The following GALNTL6 variants were observed in gnomAD, a reference collection of about 807,000 sequenced individuals.
The protein encoded by GALNTL6 is polypeptide N-acetylgalactosaminyltransferase-like 6.
Under a neutral mutation model 73.7 loss-of-function variants are expected in GALNTL6, and 46 were observed. The observed-to-expected ratio is 0.62, with a 90% CI of 0.49 to 0.80. The LOEUF is 0.80. Among genes scored for constraint, GALNTL6 ranks in the 30% least tolerant of loss-of-function variants. The probability of loss-of-function intolerance (pLI) is 0.00; values close to 1 mark genes in which losing one functional copy is unlikely to be tolerated. For synonymous variants in GALNTL6, 259 were observed against 263.7 expected, an observed-to-expected ratio of 0.98 and a Z score of 0.17; for missense variants, 604 against 755.0, an observed-to-expected ratio of 0.80 and a Z score of 2.34.
chr4:171,999,809 G>A (rs192161495), intron 2 of GALNTL6, among the ~76,000 whole-genome samples: 1 of 151,822 alleles, frequency 6.6e-6, no homozygotes, highest in Admixed American at 6.6e-5. Flanking sequence ...TTATTATTTT[G>A]CAAATATTTT....
At chr4:172,104,536 G>A (rs1303344366) in intron 2 of GALNTL6, among the ~76,000 whole-genome samples, 2 of 152,074 alleles carry the variant, frequency 1.3e-5, no homozygotes, top group Non-Finnish European at 2.9e-5. Context: ...AGAAACAGCT[G>A]CTTTTTCATT....
At chr4:172,856,617 A>AT (rs1286743528) in intron 7 of GALNTL6, among the ~76,000 whole-genome samples, 1 of 146,402 alleles carries the variant, frequency 6.8e-6, no homozygotes, top group Non-Finnish European at 1.5e-5. Context: ...CTGATAAAAC[A>AT]TGAAGGTTCA....
intron 5 of GALNTL6, among the ~76,000 whole-genome samples, chr4:172,459,902 G>A (rs1732550885): frequency 1.3e-5 from 2 of 152,126 alleles, no homozygotes; most frequent in Non-Finnish European, 2.9e-5. Flanking sequence ...AGCCCATGTA[G>A]CCAAGACAAT....
intron 7 of GALNTL6, among the ~76,000 whole-genome samples, chr4:172,847,842 C>T (rs1743597560): frequency 6.6e-6 from 1 of 152,178 alleles, no homozygotes; most frequent in African/African-American, 2.4e-5. Context: ...GATCCCTAAA[C>T]TCCCAGGGAG....
chr4:172,415,277 T>A (rs7680231), intron 5 of GALNTL6, among the ~76,000 whole-genome samples: 36,434 of 152,090 alleles, frequency 0.24, 4,832 homozygotes, highest in East Asian at 0.36. Flanking sequence ...AGAGTCTTTA[T>A]CCCTGAATCA....
chr4:172,702,257 T>C (rs1023725493), intron 5 of GALNTL6, among the ~76,000 whole-genome samples: 4 of 152,092 alleles, frequency 2.6e-5, no homozygotes, highest in African/African-American at 9.7e-5. Context: ...GAACTTTCAC[T>C]GGAATTTTAT....
chr4:172,085,598 G>C (rs540335395), intron 2 of GALNTL6, among the ~76,000 whole-genome samples: 1 of 151,864 alleles, frequency 6.6e-6, no homozygotes, highest in Non-Finnish European at 1.5e-5. Flanking sequence ...ATAGCTACTG[G>C]TTTAAGGCAG....
At chr4:172,666,936 G>A (rs1009273152) in intron 5 of GALNTL6, 2 of 152,196 alleles carry the variant, frequency 1.3e-5, no homozygotes, top group Admixed American at 6.5e-5. Flanking sequence ...TCTGAGGAGG[G>A]TGAATCATCG....
At chr4:172,287,477 T>C in intron 3 of GALNTL6, among the ~76,000 whole-genome samples, 1 of 152,224 alleles carries the variant, frequency 6.6e-6, no homozygotes, top group Non-Finnish European at 1.5e-5. Flanking sequence ...AGTACCTGAA[T>C]TTATACATTA....
chr4:172,153,273 AC>A (rs1734154650), intron 2 of GALNTL6, among the ~76,000 whole-genome samples: 1 of 152,198 alleles, frequency 6.6e-6, no homozygotes, highest in Non-Finnish European at 1.5e-5. Flanking sequence ...AAGGCCTCTT[AC>A]AAGTCTTTAC....
At chr4:171,834,114 C>A (rs1024843849) in intron 2 of GALNTL6, among the ~76,000 whole-genome samples, 1 of 151,810 alleles carries the variant, frequency 6.6e-6, no homozygotes, top group Non-Finnish European at 1.5e-5. Context: ...CATTTGGAAA[C>A]CTGTTTGTAA....
At position 172,839,172 on chromosome 4, in the gene GALNTL6, G is replaced by A. The variant is rs565435930; in HGVS notation, c.923+25449G>A. ...TCTGCAACCCACACCCTTTGGGAGG[G>A]GCCCCAAGGTTGCAGGTCTGAGCCG... is the stretch of plus-strand genomic sequence containing the variant. On this transcript the variant is annotated intron_variant, in intron 7 of 12. Transcript: ENST00000506823. 3.9e-5 allele frequency among the ~76,000 whole-genome samples: 6 copies of A among 152,270 alleles called. No homozygotes were observed. In the South Asian group the frequency reaches 1.2e-3, roughly 32 times the overall value.
intron 2 of GALNTL6, among the ~76,000 whole-genome samples, chr4:172,034,022 A>C (rs1741850142): frequency 6.6e-6 from 1 of 152,156 alleles, no homozygotes; most frequent in South Asian, 2.1e-4. Flanking sequence ...TTTTCTCAGC[A>C]TAACCTTATA....
intron 10 of GALNTL6, among the ~76,000 whole-genome samples, chr4:173,006,885 T>A (rs531197085): frequency 1.8e-4 from 28 of 152,332 alleles, no homozygotes; most frequent in African/African-American, 6.3e-4. Flanking sequence ...CTCAGAGAAA[T>A]CTGTAGGCAA....
intron 5 of GALNTL6, among the ~76,000 whole-genome samples, chr4:172,799,923 T>C (rs1302623416): frequency 6.6e-6 from 1 of 152,176 alleles, no homozygotes; most frequent in Non-Finnish European, 1.5e-5. Flanking sequence ...TACAATGGAA[T>C]ATTCATTCAG....
chr4:172,471,678 C>A (rs191717905), intron 5 of GALNTL6, among the ~76,000 whole-genome samples: 1 of 152,218 alleles, frequency 6.6e-6, no homozygotes, highest in East Asian at 1.9e-4. Flanking sequence ...TTCAAATATT[C>A]ATTGAAACTG....
At chr4:172,026,950 A>G (rs1370294465) in intron 2 of GALNTL6, among the ~76,000 whole-genome samples, 2 of 152,060 alleles carry the variant, frequency 1.3e-5, no homozygotes, top group Admixed American at 1.3e-4. Flanking sequence ...GTGCAGTGGC[A>G]TGATCACAGC....
intron 2 of GALNTL6, among the ~76,000 whole-genome samples, chr4:172,161,921 C>T (rs1734482010): frequency 6.6e-6 from 1 of 151,854 alleles, no homozygotes; most frequent in South Asian, 2.1e-4. Flanking sequence ...TACAAGAAAA[C>T]TCATGACTAA....
At chr4:172,574,824 G>GA (rs1736900008) in intron 5 of GALNTL6, among the ~76,000 whole-genome samples, 1 of 151,906 alleles carries the variant, frequency 6.6e-6, no homozygotes, top group Non-Finnish European at 1.5e-5. Flanking sequence ...TATAAACTAT[G>GA]ATATTTCTGG....
Sources: allele counts gnomAD v4.1 joint callset (sites outside exome capture counted in the v4.1 genomes callset), GRCh38; gene constraint gnomAD v4.1.1; transcripts MANE v1.5; gene names NCBI Gene and HGNC (gene_info 2026-07-23, HGNC 2026-07-21).